RGS20: variants seen among roughly 807,000 people sequenced by gnomAD.
RGS20 encodes gz-selective GTPase-activating protein.
A neutral mutation model predicts 33.6 loss-of-function variants in RGS20; 30 were observed. That is an observed-to-expected ratio of 0.89 (90% CI 0.67 to 1.21). RGS20 has a LOEUF of 1.21. RGS20 is among the 50% of genes most tolerant of loss of function. The pLI, the probability that RGS20 is intolerant of heterozygous loss-of-function variation, is 0.00. For missense variants in RGS20, 472 were observed against 502.4 expected, an observed-to-expected ratio of 0.94 and a Z score of 0.58; for synonymous variants, 208 against 197.9, an observed-to-expected ratio of 1.05 and a Z score of -0.43.
chr8:53,868,880 G>C (rs539600797), intron 1 of RGS20, among the ~76,000 whole-genome samples: 2 of 152,042 alleles, frequency 1.3e-5, no homozygotes, highest in African/African-American at 2.4e-5. Flanking sequence ...AGTCTCCCAA[G>C]TAGCTGGGAT....
chr8:53,939,887 TAAC>T (rs1261363965), intron 3 of RGS20, among the ~76,000 whole-genome samples, 163 bp downstream of exon 2: 1 of 152,166 alleles, frequency 6.6e-6, no homozygotes, highest in African/African-American at 2.4e-5. Flanking sequence ...ACCCAAGAAA[TAAC>T]AACAGGCTGC....
intron 4 of RGS20, among the ~76,000 whole-genome samples, chr8:53,952,716 A>C (rs575374621): frequency 1.3e-5 from 2 of 152,226 alleles, no homozygotes; most frequent in South Asian, 4.1e-4. Flanking sequence ...ACAAAGAGAG[A>C]CTCTGTCTCA....
At chr8:53,885,611 C>A (rs1473557301) in intron 2 of RGS20, among the ~76,000 whole-genome samples, 1 of 149,830 alleles carries the variant, frequency 6.7e-6, no homozygotes, top group Non-Finnish European at 1.5e-5. Context: ...GAGACTCCGT[C>A]TCAAAAAAAA....
At chr8:53,865,517 C>T (rs375238054) in intron 1 of RGS20, among the ~76,000 whole-genome samples, 130 of 152,362 alleles carry the variant, frequency 8.5e-4, no homozygotes, top group African/African-American at 3.0e-3. Context: ...AACTCCAGAT[C>T]ATGACATTTC....
chr8:53,894,300 T>C (rs1250193174), intron 2 of RGS20, among the ~76,000 whole-genome samples: 1 of 152,220 alleles, frequency 6.6e-6, no homozygotes, highest in Non-Finnish European at 1.5e-5. Context: ...ACATATCTAC[T>C]ATTTGACACT....
At chr8:53,897,485 T>G (rs1812898608) in intron 2 of RGS20, among the ~76,000 whole-genome samples, 1 of 152,262 alleles carries the variant, frequency 6.6e-6, no homozygotes, top group Non-Finnish European at 1.5e-5. Context: ...TGAATGTTAC[T>G]TTTAAGGAAC....
intron 2 of RGS20, among the ~76,000 whole-genome samples, chr8:53,906,125 A>C (rs960230120): frequency 1.3e-5 from 2 of 151,858 alleles, no homozygotes; most frequent in Admixed American, 1.3e-4. Context: ...CCTACAAAAA[A>C]CTCACTCAGG....
In RGS20 at chr8:53,877,237, G is replaced by T. The variant is rs74513178; in HGVS notation, c.166-2021G>T. 0.071 allele frequency among the ~76,000 whole-genome samples: 10,735 copies of T among 152,240 alleles called. 818 individuals are homozygous for T. Among genetic ancestry groups the T allele is most frequent in the East Asian group, 0.3 (1,554 of 5,152 alleles). The stretch of plus-strand genomic sequence containing the variant: ...GGTGGGCTCAGTCAGGCTTTAGGTC[G>T]CCAGGAACCCGGCTGGTCCTCTCTC... On this transcript the variant is annotated intron_variant, in intron 1 of 5. Transcript: ENST00000297313. The surrounding 1 kb of genome is among the most constrained non-coding windows in gnomAD (Gnocchi z 5.7).
At chr8:53,936,252 A>G (rs1485181716) in intron 2 of RGS20, among the ~76,000 whole-genome samples, 1 of 152,214 alleles carries the variant, frequency 6.6e-6, no homozygotes, top group Non-Finnish European at 1.5e-5. Flanking sequence ...TGGCCAGGGC[A>G]ATCAGGCAAG....
At chr8:53,868,740 T>A (rs1811982822) in intron 1 of RGS20, among the ~76,000 whole-genome samples, 1 of 152,020 alleles carries the variant, frequency 6.6e-6, no homozygotes, top group African/African-American at 2.4e-5. Context: ...TAAGAAAATA[T>A]AGCAGTTTGG....
rs1585875757 is a variant in RGS20, at chr8:53,877,048, T to G, written c.166-2210T>G. ...GAGTTCGCACGTTCTCACAAAACCA[T>G]TTGAAAACATGAGCTGGAGACGCCA... On this transcript the variant is annotated intron_variant, in intron 1 of 5. Transcript: ENST00000297313. This position sits in a 1 kb window ranked among gnomAD's most constrained non-coding sequence, Gnocchi z 5.7. 6.6e-6 allele frequency among the ~76,000 whole-genome samples: 1 copy of G among 152,134 alleles called. No individual in the cohort carries two copies. Among genetic ancestry groups the G allele is most frequent in the Non-Finnish European group, 1.5e-5 (1 of 68,030 alleles).
At chr8:53,921,072 T>A (rs1813632399) in intron 2 of RGS20, among the ~76,000 whole-genome samples, 2 of 152,218 alleles carry the variant, frequency 1.3e-5, no homozygotes, top group Non-Finnish European at 2.9e-5. Flanking sequence ...ATAATCTTGC[T>A]CTGTCTATTA....
intron 2 of RGS20, among the ~76,000 whole-genome samples, chr8:53,921,697 C>T (rs1205989081): frequency 6.6e-6 from 1 of 151,806 alleles, no homozygotes; most frequent in African/African-American, 2.4e-5. Context: ...TAGTAATTTC[C>T]CATCTTTCAT....
At chr8:53,919,592 CTTT>C (rs749181497) in intron 2 of RGS20, among the ~76,000 whole-genome samples, 5 of 136,334 alleles carry the variant, frequency 3.7e-5, no homozygotes, top group African/African-American at 7.9e-5. Flanking sequence ...AACATTTTTT[CTTT>C]TTTTTTTTTT....
At chr8:53,927,327 C>A (rs1467533012) in intron 2 of RGS20, among the ~76,000 whole-genome samples, 2 of 151,736 alleles carry the variant, frequency 1.3e-5, no homozygotes, top group African/African-American at 2.4e-5. Context: ...AGCCCCCCAA[C>A]CAAGTAACTG....
chr8:53,869,403 C>T (rs1812003105), intron 1 of RGS20, among the ~76,000 whole-genome samples: 1 of 152,198 alleles, frequency 6.6e-6, no homozygotes, highest in South Asian at 2.1e-4. Context: ...GGGCTGGGTG[C>T]GATGGCTTAC....
chr8:53,897,983 C>T (rs1812914941), intron 2 of RGS20, among the ~76,000 whole-genome samples: 1 of 152,178 alleles, frequency 6.6e-6, no homozygotes, highest in South Asian at 2.1e-4. Context: ...ACTCTTACTA[C>T]AGCTGCCTTC....
intron 2 of RGS20, among the ~76,000 whole-genome samples, chr8:53,883,829 C>G (rs543432265): frequency 1.7e-4 from 26 of 151,978 alleles, no homozygotes; most frequent in African/African-American, 5.8e-4. Context: ...GCCTGTAATC[C>G]CAGTTACTCT....
intron 2 of RGS20, among the ~76,000 whole-genome samples, chr8:53,880,604 T>C (rs1812334393): frequency 6.6e-6 from 1 of 152,122 alleles, no homozygotes; most frequent in East Asian, 1.9e-4. Flanking sequence ...CACTCTAGTC[T>C]CGCTCGGCCC....
Sources: allele counts gnomAD v4.1 joint callset (sites outside exome capture counted in the v4.1 genomes callset), GRCh38; gene constraint gnomAD v4.1.1; non-coding constraint Gnocchi (gnomAD v3.1); transcripts MANE v1.5; gene names NCBI Gene and HGNC (gene_info 2026-07-23, HGNC 2026-07-21).